The following DNAH12 variants were observed in gnomAD, a reference collection of about 807,000 sequenced individuals.
DNAH12 encodes axonemal beta dynein heavy chain 12.
Under a neutral mutation model 371.5 loss-of-function variants are expected in DNAH12, and 285 were observed. That is an observed-to-expected ratio of 0.77 (90% CI 0.70 to 0.85). The LOEUF (loss-of-function observed/expected upper bound fraction) is 0.85, where lower values mean the gene tolerates loss of function less well. DNAH12 is among the 40% of genes least tolerant of loss of function. The pLI is 0.00. For synonymous variants in DNAH12, 1,200 were observed against 1,213.0 expected (o/e 0.99, Z 0.22); for missense variants, 3,611 against 3,689.4 (o/e 0.98, Z 0.55).
intron 70 of DNAH12, chr3:57,297,211 T>C (rs116214085): frequency 6.8e-4 from 359 of 524,334 alleles, no homozygotes; most frequent in African/African-American, 6.4e-3. Flanking sequence ...GAATGAAACA[T>C]AGTTTGAAGA....
At chr3:57,474,967 T>G (rs2066478035) in intron 13 of DNAH12, among the ~76,000 whole-genome samples, 1 of 96,246 alleles carries the variant, frequency 1.0e-5, no homozygotes. Context: ...AGAGCGAGAC[T>G]CTTTCTCAAA....
chr3:57,398,961 T>C (rs1284884022), intron 43 of DNAH12, among the ~76,000 whole-genome samples: 2 of 152,172 alleles, frequency 1.3e-5, no homozygotes, highest in Non-Finnish European at 2.9e-5. Context: ...AACAAAAACA[T>C]GCCTTATAAA....
intron 13 of DNAH12, 45 bp from the exon 14 acceptor site, chr3:57,472,716 C>T (rs1470177732): frequency 1.3e-6 from 2 of 1,516,398 alleles, no homozygotes; most frequent in Non-Finnish European, 1.8e-6. Context: ...AGAAAATCTA[C>T]ATCATTATGA....
At chr3:57,399,751 C>T (rs1442285789) in intron 43 of DNAH12, among the ~76,000 whole-genome samples, 3 of 152,142 alleles carry the variant, frequency 2.0e-5, no homozygotes, top group African/African-American at 7.2e-5. Context: ...CCTCAGCCTA[C>T]CCAACATGAA....
rs969549110 is a variant in DNAH12, at chr3:57,405,810, C to T, written c.6419G>A (p.Arg2140His). The change falls in exon 41 of 74, where the codon CGT becomes CAT. Residue 2140 changes from arginine to histidine, a missense_variant. Around this residue, in one of 3 missense-constraint regions of DNAH12, gnomAD observed 2,266 missense variants for 2,236.9 expected, o/e 1.01. Transcript: ENST00000495027. The part of the protein sequence containing the change: ...DAVANKHTMI[R>H]LFVHEVLRVF... Reference sequence around the variant, plus strand: ...TCGGAGAACCTCATGCACAAACAGACGGATCATAGTGTGTTTGTTCGCCAC... The same window carrying T: ...TCGGAGAACCTCATGCACAAACAGATGGATCATAGTGTGTTTGTTCGCCAC... The T allele has an allele frequency of 7.0e-5, 108 of 1,551,520 alleles. No individual in the cohort carries two copies. Among genetic ancestry groups the T allele is most frequent in the Non-Finnish European group, 8.1e-5 (93 of 1,146,990 alleles).
chr3:57,485,974 C>T (rs2066911534), intron 12 of DNAH12, among the ~76,000 whole-genome samples: 1 of 151,806 alleles, frequency 6.6e-6, no homozygotes, highest in South Asian at 2.1e-4. Context: ...AATCTCAGCA[C>T]TTTGGGAGGT....
intron 60 of DNAH12, among the ~76,000 whole-genome samples, chr3:57,338,300 G>T (rs924097061): frequency 6.6e-6 from 1 of 152,204 alleles, no homozygotes; most frequent in African/African-American, 2.4e-5. Flanking sequence ...ACGGAGTCTC[G>T]GTCACTTAGT....
chr3:57,344,252 C>T (rs915170194), intron 60 of DNAH12, among the ~76,000 whole-genome samples: 4 of 80,438 alleles, frequency 5.0e-5, no homozygotes, highest in Non-Finnish European at 1.2e-4. Context: ...TATCATCTCA[C>T]CCCAGTTAGA....
chr3:57,551,437 A>T, the DNAH12 span, among the ~76,000 whole-genome samples: 1 of 149,444 alleles, frequency 6.7e-6, no homozygotes, highest in Non-Finnish European at 1.5e-5. Context: ...ACGCCCTGCT[A>T]ATTTTTTGTA....
At chr3:57,423,521 T>A (rs918951847) in intron 35 of DNAH12, among the ~76,000 whole-genome samples, 5 of 152,064 alleles carry the variant, frequency 3.3e-5, no homozygotes, top group Non-Finnish European at 7.4e-5. Flanking sequence ...ATGTGAGATG[T>A]CTGAGGCAGC....
rs775309505 is a variant in DNAH12, at chr3:57,468,830, C to A, written c.2255G>T (p.Arg752Leu). The A allele has an allele frequency of 6.5e-7, 1 of 1,532,314 alleles. No homozygotes were observed. The highest frequency in any genetic ancestry group is 8.8e-7 in the Non-Finnish European group (1 of 1,142,502). The allele number at this position is 1,532,314 out of a possible 1,614,324, so 94.9% of individuals were successfully genotyped here. A position where few individuals can be genotyped will look rare whatever the true frequency, so the allele number is the denominator to read the frequency against. ...TTCAATTTTCTCTTCTTCCAAAGAC[C>A]GTTTTCTTGCTGCCTTTCTTTTTTC... is the stretch of plus-strand genomic sequence containing the variant. ...LQEKRKAARK[R>L]SLEEEKIEEE... The change falls in exon 17 of 74, where the codon CGG becomes CTG. Residue 752 changes from arginine to leucine, a missense_variant. Transcript: ENST00000495027.
chr3:57,365,738 T>C (rs1449579100), intron 57 of DNAH12, among the ~76,000 whole-genome samples: 1 of 152,096 alleles, frequency 6.6e-6, no homozygotes, highest in Non-Finnish European at 1.5e-5. Flanking sequence ...ATTCTTTTTA[T>C]ATATGTAGAT....
At chr3:57,491,851 C>T (rs942687473) in intron 11 of DNAH12, among the ~76,000 whole-genome samples, 7 of 151,946 alleles carry the variant, frequency 4.6e-5, no homozygotes, top group Non-Finnish European at 7.4e-5. Context: ...ACAAAAAATA[C>T]AAAAATTAGC....
chr3:57,462,573 C>G lies in DNAH12; in HGVS notation c.2535+117G>C. ...AGCCGGAGAGTGGTCTTCTATCACTCTCCCCCATCACCTCCCGCGCTATCC... is the reference window on the plus strand; with the variant it reads ...AGCCGGAGAGTGGTCTTCTATCACTGTCCCCCATCACCTCCCGCGCTATCC... On this transcript the variant is annotated intron_variant, in intron 18 of 73. Coordinates refer to ENST00000495027, the MANE Select transcript of DNAH12 (RefSeq NM_001366028.2). The G allele has an allele frequency of 2.4e-6, 3 of 1,232,352 alleles. No homozygotes were observed. The South Asian group carries it at 5.2e-5, about 21-fold the overall frequency. The allele number at this position is 1,232,352 out of a possible 1,614,324, so 76.3% of individuals were successfully genotyped here.
At chr3:57,328,170 C>T (rs1423678803) in intron 62 of DNAH12, among the ~76,000 whole-genome samples, 1 of 148,960 alleles carries the variant, frequency 6.7e-6, no homozygotes, top group Admixed American at 6.7e-5. Flanking sequence ...GAAACTATTC[C>T]AATCAATAGA....
rs2065798185 is a variant in DNAH12 at position 57,452,965 on chromosome 3, A to C, written c.3664T>G (p.Trp1222Gly). 1 of 1,551,054 alleles carries C rather than the reference A, an allele frequency of 6.4e-7. No individual in the cohort carries two copies. The highest frequency in any genetic ancestry group is 8.7e-7 in the Non-Finnish European group (1 of 1,146,922). The change falls in exon 25 of 74, where the codon TGG becomes GGG. Residue 1222 changes from tryptophan (W) to glycine (G), a missense_variant. Trp to Gly is a radical substitution (Grantham distance 184, BLOSUM62 -2). Around this residue, in one of 3 missense-constraint regions of DNAH12, gnomAD observed 31 missense variants for 53.8 expected, o/e 0.58. Coordinates refer to ENST00000495027, the MANE Select transcript of DNAH12 (RefSeq NM_001366028.2). ...FLWLAQLRYY[W>G]ENENARVRII... ...CGAACTCGGGCATTCTCATTTTCCC[A>C]ATAATATCGGAGCTGAGCAAGCCAC... is the stretch of plus-strand genomic sequence containing the variant.
At chr3:57,511,968 A>G (rs1215149722) in intron 4 of DNAH12, among the ~76,000 whole-genome samples, 1 of 152,074 alleles carries the variant, frequency 6.6e-6, no homozygotes, top group African/African-American at 2.4e-5. Context: ...GAAGAAAAAC[A>G]TAGATGAAGT....
chr3:57,408,185 C>T (rs782771141), intron 40 of DNAH12, 95 bp downstream of exon 40: 5 of 1,333,458 alleles, frequency 3.7e-6, no homozygotes, highest in Non-Finnish European at 4.9e-6. Context: ...TCTCTGACAC[C>T]AAAGACCAAA....
chr3:57,487,541 A>G (rs1043557188), intron 12 of DNAH12, among the ~76,000 whole-genome samples: 1 of 152,146 alleles, frequency 6.6e-6, no homozygotes, highest in Non-Finnish European at 1.5e-5. Flanking sequence ...CAGCAAAAGA[A>G]AAGGAGGCAA....
Sources: gnomAD v4.1 joint callset for allele counts (sites outside exome capture counted in the v4.1 genomes callset) on GRCh38, gnomAD v4.1.1 for gene constraint, gnomAD v4.1.1 regional missense constraint, MANE v1.5 for transcripts, NCBI Gene and HGNC (gene_info 2026-07-23, HGNC 2026-07-21) for gene names.